The following SAMD4B variants were observed in gnomAD, a reference collection of about 807,000 sequenced individuals.
SAMD4B encodes the protein sterile alpha motif domain containing 4B.
SAMD4B carries 5 observed loss-of-function variants against 74.5 expected under a neutral mutation model. The observed-to-expected ratio is 0.07, with a 90% CI of 0.04 to 0.14. The LOEUF is 0.14. SAMD4B is among the 10% of genes least tolerant of loss of function. The pLI is 1.00. For missense variants in SAMD4B, 608 were observed against 921.8 expected (o/e 0.66, Z 4.41); for synonymous variants, 373 against 374.9 (o/e 1.00, Z 0.06).
downstream of SAMD4B, chr19:39,387,370 CAGTT>C (rs770178800): frequency 1.6e-4 from 26 of 166,650 alleles, no homozygotes; most frequent in South Asian, 1.5e-3. Context: ...CTGTATGTGT[CAGTT>C]AGTTACCAAC....
Position 39,378,392 on chromosome 19 carries a change from T to C in SAMD4B, c.1445-112T>C, listed in dbSNP as rs2077731933. The stretch of plus-strand genomic sequence containing the variant: ...CATGGCTAGCACTTAATAGTTGATA[T>C]TCATCCAGCCTGAGTCTCCTGTTCC... On this transcript the variant is annotated intron_variant, in intron 8 of 13. Transcript: ENST00000610417. This position sits in a 1 kb window ranked among gnomAD's most constrained non-coding sequence, Gnocchi z 4.4. 2.3e-6 allele frequency: 2 copies of C among 851,404 alleles called. No individual in the cohort carries two copies. The highest frequency in any genetic ancestry group is 2.5e-5 in the East Asian group (1 of 39,592). The allele number at this position is 851,404 out of a possible 1,614,324, so 52.7% of individuals were successfully genotyped here. A position where few individuals can be genotyped will look rare whatever the true frequency, so the allele number is the denominator to read the frequency against.
downstream of SAMD4B, chr19:39,385,896 GAACA>G (rs1356339902): frequency 2.6e-6 from 4 of 1,535,780 alleles, no homozygotes; most frequent in Middle Eastern, 1.7e-4. Flanking sequence ...TGGGGGTGGG[GAACA>G]AACAAGTGAA....
intron 3 of SAMD4B, among the ~76,000 whole-genome samples, chr19:39,358,194 C>T (rs1337781474): frequency 6.6e-6 from 1 of 152,130 alleles, no homozygotes; most frequent in Non-Finnish European, 1.5e-5. Context: ...TCGCTTGAAC[C>T]CGGGAGGCGG....
rs2077182234 is a variant in SAMD4B, at chr19:39,369,807, G to A, written c.349G>A (p.Ala117Thr). The change falls in exon 4 of 14, where the codon GCT becomes ACT. Residue 117 changes from alanine to threonine, a missense_variant. Physicochemically the swap from Ala to Thr is moderately conservative, Grantham distance 58. Around this residue, in one of 9 missense-constraint regions of SAMD4B, gnomAD observed 74 missense variants for 182.0 expected, o/e 0.41. Coordinates refer to ENST00000610417, the MANE Select transcript of SAMD4B (RefSeq NM_001384574.2). ...GCTGGCCTACTCAATCGAGAGCAAT[G>A]CTTTCATCGAGGAGAGTCGCCAGCT... ...KVLAYSIESN[A>T]FIEESRQLLS... 6.2e-7 allele frequency: 1 copy of A among 1,614,146 alleles called. No individual in the cohort carries two copies. The highest frequency in any genetic ancestry group is 1.1e-5 in the South Asian group (1 of 91,094).
chr19:39,372,353 TCA>T (rs2077358845), intron 4 of SAMD4B, among the ~76,000 whole-genome samples: 2 of 152,086 alleles, frequency 1.3e-5, no homozygotes, highest in South Asian at 2.1e-4. Flanking sequence ...TTGCCCAAGA[TCA>T]CACAGAGGCG....
chr19:39,383,144 C>A lies in SAMD4B; in HGVS notation c.1973-64C>A. The A allele has an allele frequency of 1.5e-6, 2 of 1,300,420 alleles. No homozygotes were observed. Among genetic ancestry groups the A allele is most frequent in the Non-Finnish European group, 2.2e-6 (2 of 893,688 alleles). 80.6% of individuals were successfully genotyped at this position (1,300,420 alleles called of 1,614,324 possible). ...TTCCCATACCAGCATCCTTTGTCATCCCAGCTGTCTTCACCTGAGTCCAGT... is the reference window on the plus strand; with the variant it reads ...TTCCCATACCAGCATCCTTTGTCATACCAGCTGTCTTCACCTGAGTCCAGT... On this transcript the variant is annotated intron_variant, in intron 12 of 13. Transcript: ENST00000610417. The surrounding 1 kb of genome is among the most constrained non-coding windows in gnomAD (Gnocchi z 4.1).
chr19:39,388,566 T>C, downstream of SAMD4B: 1 of 1,613,316 alleles, frequency 6.2e-7, no homozygotes, highest in Non-Finnish European at 8.5e-7. Flanking sequence ...GCACACATCA[T>C]CTGGTGCATA....
At chr19:39,387,398 A>G (rs2078276875), downstream of SAMD4B, among the ~76,000 whole-genome samples, 1 of 152,174 alleles carries the variant, frequency 6.6e-6, no homozygotes, top group Admixed American at 6.5e-5. Context: ...TTGAGAAACC[A>G]GGAGATGTCA....
intron 12 of SAMD4B, among the ~76,000 whole-genome samples, chr19:39,382,442 C>CT (rs1568368205): frequency 1.3e-5 from 2 of 151,812 alleles, no homozygotes; most frequent in Admixed American, 6.6e-5. Context: ...AAAAAAAATT[C>CT]TTTTTTTTAA....
chr19:39,378,632 G>C lies in SAMD4B; in HGVS notation c.1530+43G>C. The stretch of plus-strand genomic sequence containing the variant: ...ATACTCAAAAAGGGAAAGGCGGCCA[G>C]GCGTGGTGGTTCACGCCTGTAGTCC... On this transcript the variant is annotated intron_variant, in intron 9 of 13. Transcript: ENST00000610417. This position sits in a 1 kb window ranked among gnomAD's most constrained non-coding sequence, Gnocchi z 4.4. The C allele has an allele frequency of 1.3e-6, 2 of 1,578,758 alleles. No homozygotes were observed. The highest frequency in any genetic ancestry group is 1.7e-6 in the Non-Finnish European group (2 of 1,149,314).
downstream of SAMD4B, chr19:39,388,326 G>T: frequency 1.2e-6 from 2 of 1,613,894 alleles, no homozygotes; most frequent in Admixed American, 1.7e-5. Context: ...TCAGATAGGA[G>T]TGTGCTGAGT....
intron 8 of SAMD4B, 136 bp downstream of exon 8, chr19:39,377,960 G>C (rs2077704900): frequency 1.2e-6 from 1 of 865,962 alleles, no homozygotes; most frequent in African/African-American, 1.7e-5. Flanking sequence ...ACTACAGAGA[G>C]TAGCCAAGAC....
chr19:39,369,865 C>T lies in SAMD4B; in HGVS notation c.407C>T (p.Thr136Ile). ...TATGCCCTCATCCACCCAGCCACCA[C>T]ACTGGAGGACCGCAACGCACTGGCC... ...LSYALIHPATTLEDRNALALW... is the reference protein window; with the variant it reads ...LSYALIHPATILEDRNALALW... Residue 136 changes from threonine (T) to isoleucine (I), a missense_variant, in exon 4 of 14, where the codon ACA (threonine) becomes ATA (isoleucine). Thr to Ile is a moderately conservative substitution (Grantham distance 89). Around this residue, in one of 9 missense-constraint regions of SAMD4B, gnomAD observed 74 missense variants for 182.0 expected, o/e 0.41. Transcript: ENST00000610417. The T allele has an allele frequency of 6.2e-7, 1 of 1,614,258 alleles. No homozygotes were observed. Among genetic ancestry groups the T allele is most frequent in the Non-Finnish European group, 8.5e-7 (1 of 1,180,050 alleles).
chr19:39,372,443 G>C (rs1239321363), intron 4 of SAMD4B, among the ~76,000 whole-genome samples: 2 of 152,144 alleles, frequency 1.3e-5, no homozygotes, highest in Non-Finnish European at 2.9e-5. Flanking sequence ...CATTCTGGGG[G>C]GCGTTGAAGG....
At position 39,383,379 on chromosome 19, in the gene SAMD4B, T is replaced by G; in HGVS notation, c.2056+88T>G. The G allele has an allele frequency of 6.4e-7, 1 of 1,566,202 alleles. No individual in the cohort carries two copies. Among genetic ancestry groups the G allele is most frequent in the Non-Finnish European group, 8.8e-7 (1 of 1,136,264 alleles). ...AGCAACTCAGAGTCATCCTGAGGGG[T>G]CCCCAGGGGAGGCCAGACTCCAGGG... On this transcript the variant is annotated intron_variant, in intron 13 of 13. Coordinates refer to ENST00000610417, the MANE Select transcript of SAMD4B (RefSeq NM_001384574.2). This position sits in a 1 kb window ranked among gnomAD's most constrained non-coding sequence, Gnocchi z 4.1.
intron 6 of SAMD4B, 75 bp from the exon 7 acceptor site, chr19:39,376,630 G>C (rs1475478620): frequency 3.8e-6 from 6 of 1,581,736 alleles, no homozygotes; most frequent in Non-Finnish European, 5.2e-6. Context: ...CTGTCTCCTT[G>C]ATCTCTATTT....
chr19:39,388,398 T>C, downstream of SAMD4B: 1 of 1,614,126 alleles, frequency 6.2e-7, no homozygotes, highest in Admixed American at 1.7e-5. Flanking sequence ...AGAAGTAGTT[T>C]TCCTCATAGC....
At chr19:39,374,188 T>G (rs2077467392) in intron 4 of SAMD4B, among the ~76,000 whole-genome samples, 1 of 152,020 alleles carries the variant, frequency 6.6e-6, no homozygotes, top group Non-Finnish European at 1.5e-5. Flanking sequence ...GGAGAATCGC[T>G]TGAACCCAGG....
At position 39,385,245 on chromosome 19, in the gene SAMD4B, G is replaced by A. The variant is rs1175227417; in HGVS notation, c.*1718G>A. 2 of 293,526 alleles carry A rather than the reference G, an allele frequency of 6.8e-6. No individual in the cohort carries two copies. The highest frequency in any genetic ancestry group is 1.2e-5 in the Non-Finnish European group (2 of 160,390). The allele number at this position is 293,526 out of a possible 1,614,324, so 18.2% of individuals were successfully genotyped here. On this transcript the variant is annotated 3_prime_UTR_variant, in exon 14 of 14. Transcript: ENST00000610417. The stretch of plus-strand genomic sequence containing the variant: ...TTCTCCAGTCCCCCTCCCACTAGCT[G>A]CAGGAAGTGGGATGGATGGGCCACC...
Sources: gnomAD v4.1 joint callset for allele counts (sites outside exome capture counted in the v4.1 genomes callset) on GRCh38, gnomAD v4.1.1 for gene constraint, gnomAD v4.1.1 regional missense constraint, Gnocchi (gnomAD v3.1) non-coding constraint, MANE v1.5 for transcripts, NCBI Gene and HGNC (gene_info 2026-07-23, HGNC 2026-07-21) for gene names.